RFX8: variants seen among roughly 807,000 people sequenced by gnomAD.
RFX8 encodes regulatory factor X8.
Under a neutral mutation model 54.6 loss-of-function variants are expected in RFX8, and 46 were observed. The ratio of observed to expected loss-of-function variants is 0.84; its 90% CI spans 0.67 to 1.08. The LOEUF is 1.08. Among genes scored for constraint, RFX8 ranks in the 50% least tolerant of loss-of-function variants. The pLI, the probability that RFX8 is intolerant of heterozygous loss-of-function variation, is 0.00. For missense variants in RFX8, 536 were observed against 562.3 expected (o/e 0.95, Z 0.47); for synonymous variants, 192 against 209.5 (o/e 0.92, Z 0.72).
At chr2:101,460,901 C>A (rs1402689893) in intron 2 of RFX8, among the ~76,000 whole-genome samples, 1 of 151,642 alleles carries the variant, frequency 6.6e-6, no homozygotes, top group Admixed American at 6.6e-5. Context: ...AAGTTTGACA[C>A]AATTAACACC....
intron 1 of RFX8, 175 bp downstream of exon 1, chr2:101,474,461 C>T (rs1190863133): frequency 1.7e-5 from 6 of 355,772 alleles, no homozygotes; most frequent in Non-Finnish European, 3.0e-5. Flanking sequence ...GCGGAAGGCG[C>T]GCGGCGAGTA....
At chr2:101,430,503 G>A (rs1199430359) in intron 2 of RFX8, among the ~76,000 whole-genome samples, 1 of 152,150 alleles carries the variant, frequency 6.6e-6, no homozygotes, top group African/African-American at 2.4e-5. Context: ...CTCTCTCCAT[G>A]TGAACAAAGA....
chr2:101,408,182 C>T (rs1001659047), intron 9 of RFX8, among the ~76,000 whole-genome samples: 2 of 152,094 alleles, frequency 1.3e-5, no homozygotes, highest in African/African-American at 4.8e-5. Flanking sequence ...TCAGTGGGTT[C>T]ATCTGATTAA....
chr2:101,398,856 A>G (rs551112741), intron 11 of RFX8, among the ~76,000 whole-genome samples: 160 of 152,338 alleles, frequency 1.1e-3, no homozygotes, highest in African/African-American at 3.8e-3. Context: ...TGCAAGGTTC[A>G]TGAAAGCATG....
intron 2 of RFX8, among the ~76,000 whole-genome samples, chr2:101,447,087 G>T (rs1688428867): frequency 6.6e-6 from 1 of 152,150 alleles, no homozygotes; most frequent in Non-Finnish European, 1.5e-5. Context: ...GTTTAGGTGG[G>T]ACAGGCTTGA....
rs1446493246 is a variant in RFX8, at chr2:101,397,651, G to A, written c.1319C>T (p.Ala440Val). The A allele has an allele frequency of 6.4e-7, 1 of 1,551,212 alleles. No individual in the cohort carries two copies. Among genetic ancestry groups the A allele is most frequent in the African/African-American group, 1.4e-5 (1 of 73,028 alleles). The change falls in exon 12 of 12, where the codon GCC becomes GTC. Residue 440 changes from alanine (A) to valine (V), a missense_variant. Physicochemically the swap from Ala to Val is moderately conservative, Grantham distance 64 (BLOSUM62 0). Transcript: ENST00000428343. ...TTGTCCATCTTTTAGGGTTATGAGG[G>A]CTTCTTGTCCCATAGGAAGGCTGAG... ...VKLSLPMGQE[A>V]LITLKDGQQF...
At chr2:101,433,903 T>A (rs1235705979) in intron 2 of RFX8, among the ~76,000 whole-genome samples, 2 of 152,254 alleles carry the variant, frequency 1.3e-5, no homozygotes, top group Admixed American at 1.3e-4. Flanking sequence ...TTTGACTTGA[T>A]GAATATTTTT....
At chr2:101,412,853 C>T in intron 8 of RFX8, 62 bp downstream of exon 8, 1 of 1,453,644 alleles carries the variant, frequency 6.9e-7, no homozygotes, top group Non-Finnish European at 9.3e-7. Flanking sequence ...TTAACGATGG[C>T]CATGCTAGCC....
intron 2 of RFX8, among the ~76,000 whole-genome samples, chr2:101,459,497 G>T (rs576065401): frequency 3.3e-5 from 5 of 152,282 alleles, no homozygotes; most frequent in African/African-American, 1.2e-4. Flanking sequence ...GTTGGAGTTT[G>T]CTGGAGGTCC....
intron 6 of RFX8, 114 bp from the exon 7 acceptor site, chr2:101,415,026 AC>A: frequency 1.3e-6 from 1 of 768,684 alleles, no homozygotes. Flanking sequence ...CTAAACTGCA[AC>A]TTCCCCCACC....
At chr2:101,421,914 G>C (rs1686889022) in intron 3 of RFX8, 137 bp from the exon 4 acceptor site, 1 of 634,570 alleles carries the variant, frequency 1.6e-6, no homozygotes, top group African/African-American at 1.9e-5. Context: ...CTTCACTTGG[G>C]CCACAGCATT....
chr2:101,467,366 C>T (rs1016658860), intron 1 of RFX8, among the ~76,000 whole-genome samples: 1 of 152,154 alleles, frequency 6.6e-6, no homozygotes, highest in Non-Finnish European at 1.5e-5. Flanking sequence ...TCCCAGGGCC[C>T]GTTTTCACAT....
chr2:101,461,920 G>A (rs1202980538), intron 2 of RFX8, among the ~76,000 whole-genome samples: 2 of 152,144 alleles, frequency 1.3e-5, no homozygotes, highest in Admixed American at 6.6e-5. Flanking sequence ...TACCCAGCAA[G>A]TTTTCTGGGG....
intron 1 of RFX8, among the ~76,000 whole-genome samples, chr2:101,469,042 G>GTT (rs1262208224): frequency 3.4e-4 from 8 of 23,554 alleles, no homozygotes; most frequent in African/African-American, 1.2e-3. Context: ...GTATATATAT[G>GTT]TATATATATA....
At chr2:101,400,571 C>A (rs1317140792) in intron 11 of RFX8, among the ~76,000 whole-genome samples, 4 of 152,338 alleles carry the variant, frequency 2.6e-5, no homozygotes, top group Non-Finnish European at 5.9e-5. Context: ...CAATCTCCCT[C>A]CCCGGTTGCA....
At chr2:101,473,266 G>A (rs984001850) in intron 1 of RFX8, among the ~76,000 whole-genome samples, 2 of 152,144 alleles carry the variant, frequency 1.3e-5, no homozygotes, top group African/African-American at 4.8e-5. Context: ...ACTAAATGGC[G>A]AACTGAAGTC....
rs896973289 is a variant in RFX8 at position 101,426,344 on chromosome 2, TA to T, written c.73-3873del. Reference sequence around the variant, plus strand: ...GTAAGAGCCTGTCTCTACAAAAAATTAAAAAAAAACAAAAACACAAAAAACA... The same window carrying T: ...GTAAGAGCCTGTCTCTACAAAAAATTAAAAAAAACAAAAACACAAAAAACA... On this transcript the variant is annotated intron_variant, in intron 2 of 11. Coordinates refer to ENST00000428343, the MANE Select transcript of RFX8 (RefSeq NM_001145664.2). Among the ~76,000 whole-genome samples, 27 of 149,296 alleles carry T rather than the reference TA, an allele frequency of 1.8e-4. 1 individual carries two copies. The highest frequency in any genetic ancestry group is 2.8e-4 in the Non-Finnish European group (19 of 67,230).
chr2:101,422,119 GTTTC>G (rs1237539470), intron 3 of RFX8, among the ~76,000 whole-genome samples: 2 of 152,050 alleles, frequency 1.3e-5, no homozygotes, highest in African/African-American at 2.4e-5. Context: ...CCATATATCT[GTTTC>G]TTTCTTTGTC....
At chr2:101,465,314 G>C (rs78827935) in intron 2 of RFX8, among the ~76,000 whole-genome samples, 1 of 152,070 alleles carries the variant, frequency 6.6e-6, no homozygotes, top group Non-Finnish European at 1.5e-5. Flanking sequence ...AGACCATCCT[G>C]GCCAACATAG....
Sources: gnomAD v4.1 joint callset for allele counts (sites outside exome capture counted in the v4.1 genomes callset) on GRCh38, gnomAD v4.1.1 for gene constraint, MANE v1.5 for transcripts, NCBI Gene and HGNC (gene_info 2026-07-23, HGNC 2026-07-21) for gene names.